The following GRM8 variants were observed in gnomAD, a reference collection of about 807,000 sequenced individuals.
The protein encoded by GRM8 is metabotropic glutamate receptor 8.
A neutral mutation model predicts 87.2 loss-of-function variants in GRM8; 47 were observed. The observed-to-expected ratio is 0.54, with a 90% CI of 0.43 to 0.69. The LOEUF (loss-of-function observed/expected upper bound fraction) is 0.69, where lower values mean the gene tolerates loss of function less well. Ranked by LOEUF, GRM8 falls within the 30% of genes least tolerant of loss-of-function variation. The pLI, the probability that GRM8 is intolerant of heterozygous loss-of-function variation, is 0.00. For missense variants in GRM8, 1,019 were observed against 1,139.2 expected (o/e 0.89, Z 1.52); for synonymous variants, 396 against 404.5 (o/e 0.98, Z 0.25).
chr7:126,531,743 T>C (rs1233512481), intron 9 of GRM8, among the ~76,000 whole-genome samples: 2 of 152,206 alleles, frequency 1.3e-5, no homozygotes, highest in Non-Finnish European at 2.9e-5. Context: ...TGTCCAAAAA[T>C]AGTTGAAGGC....
At chr7:127,214,562 A>G (rs1172932628) in intron 2 of GRM8, among the ~76,000 whole-genome samples, 1 of 152,212 alleles carries the variant, frequency 6.6e-6, no homozygotes, top group Non-Finnish European at 1.5e-5. Context: ...ACTTACAATC[A>G]TGGCAGAAGG....
chr7:127,216,278 G>GGAGGCC (rs1796521509), intron 2 of GRM8, among the ~76,000 whole-genome samples: 1 of 152,048 alleles, frequency 6.6e-6, no homozygotes, highest in South Asian at 2.1e-4. Context: ...CAGCACTTTG[G>GGAGGCC]GAGGCCGAGG....
At chr7:126,885,811 A>C (rs1310732097) in intron 6 of GRM8, among the ~76,000 whole-genome samples, 1 of 152,166 alleles carries the variant, frequency 6.6e-6, no homozygotes, top group Non-Finnish European at 1.5e-5. Context: ...CTACCTTCAA[A>C]TATAACTTTC....
chr7:126,807,135 C>T (rs1792851690), intron 6 of GRM8, among the ~76,000 whole-genome samples: 1 of 152,192 alleles, frequency 6.6e-6, no homozygotes, highest in South Asian at 2.1e-4. Flanking sequence ...AGTACACAAG[C>T]ATTACTTTTG....
chr7:126,594,368 A>C (rs1796965450), intron 8 of GRM8, among the ~76,000 whole-genome samples: 1 of 152,074 alleles, frequency 6.6e-6, no homozygotes. Flanking sequence ...TGGATAAGGA[A>C]AATGTGGTGT....
chr7:127,135,617 C>CAAAAAAAAAAAAAAAAAAAAAAAAAAA (rs1168682673), intron 2 of GRM8, among the ~76,000 whole-genome samples: 1 of 36,838 alleles, frequency 2.7e-5, no homozygotes, highest in Non-Finnish European at 4.8e-5. Flanking sequence ...GACTCCGTCT[C>CAAAAAAAAAAAAAAAAAAAAAAAAAAA]AAAAAAAAAA....
chr7:127,164,607 T>TGGA (rs1486223514), intron 2 of GRM8, among the ~76,000 whole-genome samples: 1 of 152,192 alleles, frequency 6.6e-6, no homozygotes, highest in Non-Finnish European at 1.5e-5. Flanking sequence ...ACACAGACTT[T>TGGA]GGAGAGTTCC....
chr7:126,468,644 T>C (rs1804786925), intron 9 of GRM8, among the ~76,000 whole-genome samples: 1 of 152,126 alleles, frequency 6.6e-6, no homozygotes, highest in African/African-American at 2.4e-5. Flanking sequence ...TCTTCACTTC[T>C]TTGTTCCTTT....
chr7:126,664,784 C>T (rs529817525), intron 7 of GRM8, among the ~76,000 whole-genome samples: 1 of 152,144 alleles, frequency 6.6e-6, no homozygotes, highest in Non-Finnish European at 1.5e-5. Flanking sequence ...GGACCTAATT[C>T]AACTAAAGAC....
intron 6 of GRM8, among the ~76,000 whole-genome samples, chr7:126,823,701 G>A (rs2283074): frequency 0.19 from 28,372 of 151,640 alleles, 3,006 homozygotes; most frequent in East Asian, 0.5. Context: ...TTCATTCTAC[G>A]TTTCTGCAAT....
At chr7:127,062,474 G>A (rs1425843602) in intron 3 of GRM8, among the ~76,000 whole-genome samples, 1 of 152,174 alleles carries the variant, frequency 6.6e-6, no homozygotes, top group African/African-American at 2.4e-5. Context: ...TGAAAGCTGG[G>A]GTTCAGCTGG....
At chr7:127,117,771 G>C (rs1460867443) in intron 2 of GRM8, among the ~76,000 whole-genome samples, 1 of 152,158 alleles carries the variant, frequency 6.6e-6, no homozygotes, top group South Asian at 2.1e-4. Flanking sequence ...CTCTTCTGCT[G>C]ATTTCCTTAC....
intron 7 of GRM8, among the ~76,000 whole-genome samples, chr7:126,646,701 TA>T (rs1803135995): frequency 6.6e-6 from 1 of 152,174 alleles, no homozygotes; most frequent in Non-Finnish European, 1.5e-5. Flanking sequence ...TCCTCATCAA[TA>T]AAATGAGGAT....
chr7:126,883,674 T>C (rs528920650), intron 6 of GRM8, among the ~76,000 whole-genome samples: 1 of 152,238 alleles, frequency 6.6e-6, no homozygotes, highest in Admixed American at 6.6e-5. Flanking sequence ...CTAATATGTA[T>C]TCAAAAACCA....
intron 3 of GRM8, among the ~76,000 whole-genome samples, chr7:126,974,951 A>G (rs1414581792): frequency 1.4e-5 from 2 of 147,208 alleles, no homozygotes; most frequent in African/African-American, 2.5e-5. Context: ...AAAAAAAAAA[A>G]AAAAAAAAAA....
At chr7:126,813,163 T>A (rs1253761849) in intron 6 of GRM8, among the ~76,000 whole-genome samples, 2 of 151,930 alleles carry the variant, frequency 1.3e-5, no homozygotes, top group African/African-American at 2.4e-5. Flanking sequence ...CTTAAAAGTT[T>A]AAAAAAAGAA....
intron 8 of GRM8, among the ~76,000 whole-genome samples, chr7:126,534,677 T>C (rs553491952): frequency 6.6e-6 from 1 of 152,192 alleles, no homozygotes; most frequent in African/African-American, 2.4e-5. Flanking sequence ...AATAACTCTA[T>C]CGAGATACAA....
At chr7:126,947,118 C>T (rs1249801737) in intron 3 of GRM8, among the ~76,000 whole-genome samples, 2 of 152,162 alleles carry the variant, frequency 1.3e-5, no homozygotes, top group Non-Finnish European at 2.9e-5. Context: ...CTTTATGAGG[C>T]TTCATTTACT....
chr7:126,451,170 G>C (rs1802574549), intron 9 of GRM8, among the ~76,000 whole-genome samples: 1 of 151,478 alleles, frequency 6.6e-6, no homozygotes, highest in African/African-American at 2.4e-5. Flanking sequence ...TTGTCTTTTG[G>C]GTCACTCCCT....
Sources: allele counts gnomAD v4.1 joint callset (sites outside exome capture counted in the v4.1 genomes callset), GRCh38; gene constraint gnomAD v4.1.1; transcripts MANE v1.5; gene names NCBI Gene and HGNC (gene_info 2026-07-23, HGNC 2026-07-21).